The following GRIN2B variants were observed in gnomAD, a reference collection of about 807,000 sequenced individuals.
GRIN2B encodes the protein glutamate receptor ionotropic, NMDA 2B.
A neutral mutation model predicts 114.5 loss-of-function variants in GRIN2B; 5 were observed. The ratio of observed to expected loss-of-function variants is 0.04; its 90% CI spans 0.02 to 0.09. The LOEUF (loss-of-function observed/expected upper bound fraction) is 0.09, where lower values mean the gene tolerates loss of function less well. Among genes scored for constraint, GRIN2B ranks in the 10% least tolerant of loss-of-function variants. GRIN2B has a pLI of 1.00. For synonymous variants in GRIN2B, 787 were observed against 745.1 expected (o/e 1.06, Z -0.92); for missense variants, 1,108 against 1,943.5 (o/e 0.57, Z 8.08).
chr12:13,847,078 G>T (rs1045128804), intron 3 of GRIN2B, among the ~76,000 whole-genome samples: 2 of 152,114 alleles, frequency 1.3e-5, no homozygotes, highest in African/African-American at 4.8e-5. Context: ...ACTAATAAGG[G>T]AGAGCCAGAA....
rs183023330 is a variant in GRIN2B at position 13,730,594 on chromosome 12, A to T, written c.1010+22723T>A. 2.0e-5 allele frequency among the ~76,000 whole-genome samples: 3 copies of T among 152,236 alleles called. No individual in the cohort carries two copies. The East Asian group carries it at 5.8e-4, about 29-fold the overall frequency. On this transcript the variant is annotated intron_variant, in intron 4 of 13. Coordinates refer to ENST00000609686, the MANE Select transcript of GRIN2B (RefSeq NM_000834.5). ...GTTGAGAGACCCCTGGCATCTAATCATGTGTCAAGGGCCCCAAATCTCATT... is the reference window on the plus strand; with the variant it reads ...GTTGAGAGACCCCTGGCATCTAATCTTGTGTCAAGGGCCCCAAATCTCATT...
intron 2 of GRIN2B, among the ~76,000 whole-genome samples, chr12:13,872,697 AAAAC>A (rs1437795036): frequency 6.6e-6 from 1 of 152,216 alleles, no homozygotes; most frequent in Non-Finnish European, 1.5e-5. Flanking sequence ...AATTGTGTTT[AAAAC>A]AAACAAATAA....
At chr12:13,637,374 A>G (rs1949675123) in intron 5 of GRIN2B, among the ~76,000 whole-genome samples, 1 of 152,188 alleles carries the variant, frequency 6.6e-6, no homozygotes, top group Admixed American at 6.6e-5. Flanking sequence ...GTTTTTAATC[A>G]TAACACTCAT....
chr12:13,870,413 G>A (rs899413538), intron 2 of GRIN2B, among the ~76,000 whole-genome samples: 3 of 152,074 alleles, frequency 2.0e-5, no homozygotes, highest in South Asian at 2.1e-4. Flanking sequence ...AAGTGATCCC[G>A]AGATCCATAG....
chr12:13,977,672 A>G (rs1333245987), intron 2 of GRIN2B, among the ~76,000 whole-genome samples: 4 of 151,842 alleles, frequency 2.6e-5, no homozygotes, highest in Admixed American at 1.3e-4. Context: ...TGTGAGGGGG[A>G]AAAAGGGGGC....
At chr12:13,611,305 C>T (rs1402912426) in intron 9 of GRIN2B, among the ~76,000 whole-genome samples, 1 of 152,146 alleles carries the variant, frequency 6.6e-6, no homozygotes, top group Non-Finnish European at 1.5e-5. Context: ...CTCAACCAGC[C>T]ACAACCACCT....
At position 13,866,106 on chromosome 12, in the gene GRIN2B, T is replaced by C. The variant is rs758234146; in HGVS notation, c.103A>G (p.Ile35Val). 3 of 1,613,926 alleles carry C rather than the reference T, an allele frequency of 1.9e-6. No homozygotes were observed. Among genetic ancestry groups the C allele is most frequent in the East Asian group, 4.5e-5 (2 of 44,810 alleles). The change falls in exon 3 of 14, where the codon ATT (isoleucine) becomes GTT (valine). Residue 35 changes from isoleucine (I) to valine (V), a missense_variant. Around this residue, in one of 19 missense-constraint regions of GRIN2B, gnomAD observed 46 missense variants for 44.4 expected, o/e 1.04. Coordinates refer to ENST00000609686, the MANE Select transcript of GRIN2B (RefSeq NM_000834.5). ...RARSQKSPPS[I>V]GIAVILVGTS... is the part of the protein sequence containing the mutation. ...CCCACGAGGATGACAGCAATGCCAA[T>C]GCTGGGGGGGCTCTTCTGAGAACGA...
chr12:13,623,357 A>C (rs1318707644), intron 5 of GRIN2B, among the ~76,000 whole-genome samples: 1 of 152,236 alleles, frequency 6.6e-6, no homozygotes, highest in Non-Finnish European at 1.5e-5. Flanking sequence ...GTATGTTTTT[A>C]AATGTTCTCA....
intron 3 of GRIN2B, among the ~76,000 whole-genome samples, chr12:13,851,917 A>T (rs917819995): frequency 6.6e-6 from 1 of 152,164 alleles, no homozygotes; most frequent in Non-Finnish European, 1.5e-5. Flanking sequence ...AGACAGCAGA[A>T]ATAAGAGTAG....
intron 4 of GRIN2B, among the ~76,000 whole-genome samples, chr12:13,678,806 G>A (rs1410807434): frequency 6.6e-6 from 1 of 152,108 alleles, no homozygotes; most frequent in Non-Finnish European, 1.5e-5. Flanking sequence ...ACAAAACCAT[G>A]AGACAGGATA....
Position 13,563,145 on chromosome 12 carries a change from T to G in GRIN2B, c.4093A>C (p.Asn1365His), listed in dbSNP as rs1330186615. 3.1e-6 allele frequency: 5 copies of G among 1,614,048 alleles called. No homozygotes were observed. The highest frequency in any genetic ancestry group is 2.2e-5 in the East Asian group (1 of 44,892). The change falls in exon 14 of 14, where the codon AAC becomes CAC. Residue 1365 changes from asparagine (N) to histidine (H), a missense_variant. Asn to His is a moderately conservative substitution (Grantham distance 68). Around this residue, in one of 19 missense-constraint regions of GRIN2B, gnomAD observed 478 missense variants for 506.0 expected, o/e 0.94. Coordinates refer to ENST00000609686, the MANE Select transcript of GRIN2B (RefSeq NM_000834.5). ...SVPTAGHHHH[N>H]NPGGGYMLSK... The stretch of plus-strand genomic sequence containing the variant: ...AGCATGTACCCGCCGCCGGGGTTGT[T>G]GTGGTGGTGATGTCCGGCAGTGGGC...
intron 13 of GRIN2B, among the ~76,000 whole-genome samples, chr12:13,565,825 G>C (rs1410615299): frequency 6.6e-6 from 1 of 152,214 alleles, no homozygotes; most frequent in African/African-American, 2.4e-5. Flanking sequence ...TTGTCTCACA[G>C]GGCATCAGCA....
At chr12:13,679,299 T>G (rs1460914849) in intron 4 of GRIN2B, among the ~76,000 whole-genome samples, 6 of 152,168 alleles carry the variant, frequency 3.9e-5, no homozygotes, top group Admixed American at 2.0e-4. Context: ...CTATATAGCC[T>G]CTCAAGATGA....
At chr12:13,605,538 C>CTG in intron 10 of GRIN2B, among the ~76,000 whole-genome samples, 1 of 69,398 alleles carries the variant, frequency 1.4e-5, no homozygotes, top group South Asian at 5.4e-4. Flanking sequence ...CTCTCTCTCT[C>CTG]TCTCTCTCTC....
intron 3 of GRIN2B, among the ~76,000 whole-genome samples, chr12:13,845,415 CT>C (rs1365939503): frequency 2.6e-5 from 4 of 152,122 alleles, no homozygotes; most frequent in African/African-American, 4.8e-5. Context: ...TCAGTTTGCC[CT>C]TGTCCTCACC....
chr12:13,654,419 A>G (rs1416601655), intron 5 of GRIN2B, among the ~76,000 whole-genome samples: 1 of 152,210 alleles, frequency 6.6e-6, no homozygotes, highest in African/African-American at 2.4e-5. Context: ...GCTTGTTTGT[A>G]TATGAAAAAC....
Position 13,564,455 on chromosome 12 carries a change from T to C in GRIN2B, c.2783A>G (p.Glu928Gly). 1 of 1,614,196 alleles carries C rather than the reference T, an allele frequency of 6.2e-7. No individual in the cohort carries two copies. The highest frequency in any genetic ancestry group is 8.5e-7 in the Non-Finnish European group (1 of 1,180,002). ...PQSALDFIRR[E>G]SSVYDISEHR... The stretch of plus-strand genomic sequence containing the variant: ...CTCTGAGATGTCATAGACGGATGAC[T>C]CCCGTCGGATGAAGTCCAGGGCGCT... Residue 928 changes from glutamate to glycine, a missense_variant, in exon 14 of 14, where the codon GAG becomes GGG. By Grantham distance (98) the Glu-to-Gly change is moderately conservative. Transcript: ENST00000609686. This position sits in a 1 kb window ranked among gnomAD's most constrained non-coding sequence, Gnocchi z 4.8.
intron 3 of GRIN2B, among the ~76,000 whole-genome samples, chr12:13,823,346 CA>C (rs1321605915): frequency 2.0e-5 from 3 of 151,976 alleles, no homozygotes; most frequent in African/African-American, 7.2e-5. Context: ...TATTTCTCAG[CA>C]ATGCTTCATA....
intron 4 of GRIN2B, among the ~76,000 whole-genome samples, chr12:13,680,429 A>G (rs376108848): frequency 2.4e-4 from 33 of 138,948 alleles, no homozygotes; most frequent in African/African-American, 8.0e-4. Flanking sequence ...TGGAAGTCCC[A>G]TCAAGGTTGT....
Sources: allele counts gnomAD v4.1 joint callset (sites outside exome capture counted in the v4.1 genomes callset), GRCh38; gene constraint gnomAD v4.1.1; regional missense constraint gnomAD v4.1.1; non-coding constraint Gnocchi (gnomAD v3.1); transcripts MANE v1.5; gene names NCBI Gene and HGNC (gene_info 2026-07-23, HGNC 2026-07-21).